The following WNK1 variants were observed in gnomAD, a reference collection of about 807,000 sequenced individuals.
WNK1 encodes the protein serine/threonine-protein kinase WNK1.
A neutral mutation model predicts 222.8 loss-of-function variants in WNK1; 38 were observed. The ratio of observed to expected loss-of-function variants is 0.17; its 90% CI spans 0.13 to 0.22. WNK1 has a LOEUF of 0.22. Ranked by LOEUF, WNK1 falls within the 10% of genes least tolerant of loss-of-function variation. The pLI, the probability that WNK1 is intolerant of heterozygous loss-of-function variation, is 1.00. For synonymous variants in WNK1, 1,090 were observed against 1,092.9 expected, an observed-to-expected ratio of 1.00 and a Z score of 0.05; for missense variants, 2,348 against 2,918.4, an observed-to-expected ratio of 0.80 and a Z score of 4.50.
intron 8 of WNK1, chr12:865,001 A>G: frequency 7.4e-7 from 1 of 1,343,762 alleles, no homozygotes; most frequent in Non-Finnish European, 9.7e-7. Flanking sequence ...TGGAATTGGG[A>G]GAGGATGGAA....
chr12:868,518 C>T (rs1263523281), intron 8 of WNK1: 1 of 1,613,968 alleles, frequency 6.2e-7, no homozygotes, highest in Non-Finnish European at 8.5e-7. Flanking sequence ...AGTATTTCTG[C>T]ACCTATCAGT....
chr12:907,798 ATTG>A, intron 26 of WNK1, 46 bp from the exon 27 acceptor site: 1 of 1,609,282 alleles, frequency 6.2e-7, no homozygotes, highest in African/African-American at 1.3e-5. Context: ...TCTTCCTGAA[ATTG>A]TAACCTAGGC....
At chr12:857,054 A>G in intron 4 of WNK1, 107 bp from the exon 5 acceptor site, 1 of 1,187,834 alleles carries the variant, frequency 8.4e-7, no homozygotes, top group Non-Finnish European at 1.2e-6. Context: ...GTCAGAAAAA[A>G]AGCCGGGATA....
intron 1 of WNK1, among the ~76,000 whole-genome samples, chr12:786,237 A>G (rs928278805): frequency 6.6e-6 from 1 of 152,184 alleles, no homozygotes; most frequent in African/African-American, 2.4e-5. Context: ...GCCCTACAAA[A>G]TAATTGTGGA....
chr12:879,077 T>G (rs962474467), intron 10 of WNK1, among the ~76,000 whole-genome samples: 10 of 152,168 alleles, frequency 6.6e-5, no homozygotes, highest in Non-Finnish European at 1.3e-4. Flanking sequence ...ATATGTGAAT[T>G]ATACCAATTT....
intron 1 of WNK1, among the ~76,000 whole-genome samples, chr12:759,177 C>T (rs1236816333): frequency 6.8e-6 from 1 of 146,918 alleles, no homozygotes; most frequent in Non-Finnish European, 1.5e-5. Context: ...GTAAAAGCAG[C>T]AAGAGTAGCT....
Position 773,183 on chromosome 12 carries a change from G to A in WNK1, c.759+18859G>A, listed in dbSNP as rs999618242. On this transcript the variant is annotated intron_variant, in intron 1 of 27. Coordinates refer to ENST00000315939, the MANE Select transcript of WNK1 (RefSeq NM_018979.4). Reference sequence around the variant, plus strand: ...TGAGGCAGGAGAATCGCTTGAACCCGGGAGGCGGAGGTTGCGGTGAGCTGA... The same window carrying A: ...TGAGGCAGGAGAATCGCTTGAACCCAGGAGGCGGAGGTTGCGGTGAGCTGA... Among the ~76,000 whole-genome samples, 7 of 152,234 alleles carry A rather than the reference G, an allele frequency of 4.6e-5. No homozygotes were observed. In the East Asian group the frequency reaches 9.6e-4, roughly 21 times the overall value.
chr12:818,852 G>T (rs965120450), intron 2 of WNK1, among the ~76,000 whole-genome samples: 3 of 152,196 alleles, frequency 2.0e-5, no homozygotes, highest in Non-Finnish European at 2.9e-5. Flanking sequence ...AAATATCACA[G>T]TTTGTTTATT....
At chr12:881,126 G>A in intron 12 of WNK1, 127 bp downstream of exon 12, 1 of 1,259,074 alleles carries the variant, frequency 7.9e-7, no homozygotes, top group Non-Finnish European at 1.1e-6. Flanking sequence ...ACTAACTTCT[G>A]CATGACTTTT....
At position 757,657 on chromosome 12, in the gene WNK1, A is replaced by G. The variant is rs1193961773; in HGVS notation, c.759+3333A>G. On this transcript the variant is annotated intron_variant, in intron 1 of 27. Coordinates refer to ENST00000315939, the MANE Select transcript of WNK1 (RefSeq NM_018979.4). Reference sequence around the variant, plus strand: ...TTGGTTGTCTTGGTCAGAAAATATTACTGTTGGGCTCTATCTGCAGAGTTT... The same window carrying G: ...TTGGTTGTCTTGGTCAGAAAATATTGCTGTTGGGCTCTATCTGCAGAGTTT... Among the ~76,000 whole-genome samples the G allele has an allele frequency of 1.7e-5, 2 of 120,218 alleles. 1 individual carries two copies. Among genetic ancestry groups the G allele is most frequent in the Non-Finnish European group, 4.0e-5 (2 of 49,988 alleles). The allele number at this position is 120,218 out of a possible 152,430, so 78.9% of individuals were successfully genotyped here. A position where few individuals can be genotyped will look rare whatever the true frequency, so the allele number is the denominator to read the frequency against.
At chr12:864,531 A>C (rs1416624210) in intron 8 of WNK1, among the ~76,000 whole-genome samples, 1 of 152,206 alleles carries the variant, frequency 6.6e-6, no homozygotes, top group Non-Finnish European at 1.5e-5. Context: ...TTTTCCTAGT[A>C]GATCATGACT....
intron 4 of WNK1, among the ~76,000 whole-genome samples, chr12:834,269 T>G (rs1465630959): frequency 1.3e-5 from 2 of 152,230 alleles, no homozygotes; most frequent in African/African-American, 4.8e-5. Context: ...TAGTTTCTCC[T>G]GCTCCCAAAT....
At chr12:796,708 C>T (rs1230694912) in intron 1 of WNK1, among the ~76,000 whole-genome samples, 1 of 152,184 alleles carries the variant, frequency 6.6e-6, no homozygotes, top group Admixed American at 6.5e-5. Flanking sequence ...CCAGAAAGTT[C>T]TGAGAATCAT....
chr12:886,089 A>C lies in WNK1; in HGVS notation c.5280+5A>C. 1 of 1,602,838 alleles carries C rather than the reference A, an allele frequency of 6.2e-7. No homozygotes were observed. On this transcript the variant is annotated splice_donor_5th_base_variant and intron_variant, in intron 19 of 27. Transcript: ENST00000315939. ...CCACCTCTAACTAAGGCTCCGGTAA[A>C]ATTATTGTTATAAAATAATTAGATA...
At chr12:851,804 A>G in intron 4 of WNK1, 1 of 1,324,974 alleles carries the variant, frequency 7.5e-7, no homozygotes, top group Non-Finnish European at 9.9e-7. Context: ...TTTCCAGTAT[A>G]TGTAACAGTT....
At chr12:818,038 A>C (rs1431048137) in intron 2 of WNK1, among the ~76,000 whole-genome samples, 1 of 152,218 alleles carries the variant, frequency 6.6e-6, no homozygotes, top group Non-Finnish European at 1.5e-5. Context: ...TTCAAATATC[A>C]TACAATTAAC....
At chr12:795,353 C>A (rs1005655031) in intron 1 of WNK1, among the ~76,000 whole-genome samples, 1 of 151,048 alleles carries the variant, frequency 6.6e-6, no homozygotes, top group Non-Finnish European at 1.5e-5. Context: ...TGTATCCCCC[C>A]ACCCAAGTCT....
intron 19 of WNK1, 55 bp from the exon 20 acceptor site, chr12:887,166 C>T (rs1953741347): frequency 9.5e-6 from 14 of 1,473,474 alleles, no homozygotes; most frequent in East Asian, 9.0e-5. Flanking sequence ...CTCTTCAGTA[C>T]GCAGTCTTTA....
At chr12:824,939 T>C (rs1948233540) in intron 2 of WNK1, among the ~76,000 whole-genome samples, 1 of 152,168 alleles carries the variant, frequency 6.6e-6, no homozygotes, top group South Asian at 2.1e-4. Context: ...ATTCATTCCA[T>C]AATAAAATAA....
Sources: gnomAD v4.1 joint callset for allele counts (sites outside exome capture counted in the v4.1 genomes callset) on GRCh38, gnomAD v4.1.1 for gene constraint, MANE v1.5 for transcripts, NCBI Gene and HGNC (gene_info 2026-07-23, HGNC 2026-07-21) for gene names.